The following FRMPD3 variants were observed in gnomAD, a reference collection of about 807,000 sequenced individuals.
FRMPD3 encodes FERM and PDZ domain containing 3.
Under a neutral mutation model 97.9 loss-of-function variants are expected in FRMPD3, and 42 were observed. That is an observed-to-expected ratio of 0.43 (90% confidence interval 0.34 to 0.55). The LOEUF (loss-of-function observed/expected upper bound fraction) is 0.55. FRMPD3 is among the 20% of genes least tolerant of loss of function. The pLI, the probability that FRMPD3 is intolerant of heterozygous loss-of-function variation, is 0.03. For synonymous variants in FRMPD3, 577 were observed against 581.1 expected (o/e 0.99, Z 0.10); for missense variants, 1,303 against 1,457.7 (o/e 0.89, Z 1.73).
intron 1 of FRMPD3, among the ~76,000 whole-genome samples, chrX:107,482,915 G>C (rs1045953685): frequency 1.8e-5 from 2 of 111,568 alleles, no homozygotes; most frequent in East Asian, 5.6e-4. Flanking sequence ...GAACAGGGCA[G>C]TTCTCAAAAA....
At chrX:107,505,837 C>T (rs1922016967) in intron 1 of FRMPD3, among the ~76,000 whole-genome samples, 1 of 112,472 alleles carries the variant, frequency 8.9e-6, no homozygotes. Context: ...GCCTTCCACT[C>T]ATCCTTTAAA....
chrX:107,512,059 G>GCA (rs910131870), intron 1 of FRMPD3, among the ~76,000 whole-genome samples: 25 of 105,199 alleles, frequency 2.4e-4, no homozygotes, highest in Non-Finnish European at 3.0e-4. Context: ...ACACACACGC[G>GCA]CACACACACA....
chrX:107,562,139 G>T (rs190037675), intron 10 of FRMPD3, among the ~76,000 whole-genome samples: 102 of 112,618 alleles, frequency 9.1e-4, no homozygotes, highest in African/African-American at 3.2e-3. Flanking sequence ...CCCAGGCAGA[G>T]AGATCCATCT....
chrX:107,471,344 C>G (rs1333091024), intron 1 of FRMPD3, among the ~76,000 whole-genome samples: 1 of 4,608 alleles, frequency 2.2e-4, no homozygotes, highest in Non-Finnish European at 2.9e-4. Context: ...TTTCTTTGTT[C>G]TAAAAAAAAA....
intron 8 of FRMPD3, among the ~76,000 whole-genome samples, chrX:107,557,292 T>C (rs894633556): frequency 4.5e-5 from 5 of 111,882 alleles, no homozygotes; most frequent in African/African-American, 6.5e-5. Flanking sequence ...TCCATTTAGA[T>C]CTTTGCCTGC....
At chrX:107,491,481 T>C (rs1261410620) in intron 1 of FRMPD3, among the ~76,000 whole-genome samples, 1 of 112,365 alleles carries the variant, frequency 8.9e-6, no homozygotes, top group Admixed American at 9.4e-5. Flanking sequence ...CCCCATGACC[T>C]CACAGCTAGT....
At chrX:107,497,413 C>G (rs1280301971) in intron 1 of FRMPD3, among the ~76,000 whole-genome samples, 1 of 112,501 alleles carries the variant, frequency 8.9e-6, no homozygotes, top group Non-Finnish European at 1.9e-5. Flanking sequence ...CTGGGGCCCC[C>G]TCCCCATTTC....
intron 13 of FRMPD3, among the ~76,000 whole-genome samples, chrX:107,587,241 A>G (rs1923691820): frequency 9.0e-6 from 1 of 110,724 alleles, no homozygotes; most frequent in Admixed American, 9.7e-5. Context: ...GTTGTGTTAA[A>G]GTCTATTTTG....
chrX:107,568,813 C>T (rs1465191249), intron 12 of FRMPD3, among the ~76,000 whole-genome samples: 1 of 110,125 alleles, frequency 9.1e-6, no homozygotes, highest in African/African-American at 3.3e-5. Flanking sequence ...AGTTCCAGAA[C>T]TTAGGAAGGC....
At chrX:107,503,797 A>T (rs111867604) in intron 1 of FRMPD3, among the ~76,000 whole-genome samples, 6,027 of 111,745 alleles carry the variant, frequency 0.054, 404 homozygotes, top group African/African-American at 0.19. Flanking sequence ...TCCAGTGAAG[A>T]AGTTGCAAGC....
chrX:107,484,282 G>A (rs1420287897), intron 1 of FRMPD3, among the ~76,000 whole-genome samples: 1 of 112,536 alleles, frequency 8.9e-6, no homozygotes. Flanking sequence ...AGGGGCCTCC[G>A]GTCAGAACCA....
chrX:107,601,524 G>T lies in FRMPD3; in HGVS notation c.3485G>T (p.Ser1162Ile). Residue 1162 changes from serine (S) to isoleucine (I), a missense_variant, in exon 15 of 15, where the codon AGC (serine) becomes ATC (isoleucine). Physicochemically the swap from Ser to Ile is moderately radical, Grantham distance 142. Coordinates refer to ENST00000683843, the MANE Select transcript of FRMPD3 (RefSeq NM_001388459.1). Reference protein sequence around the residue: ...HSPSSQSRGQSPSCQPRGQSP... With the variant: ...HSPSSQSRGQIPSCQPRGQSP... Reference sequence around the variant, plus strand: ...CCCAGCAGCCAGTCTCGAGGTCAGAGCCCCAGCTGCCAACCTCGAGGCCAG... The same window carrying T: ...CCCAGCAGCCAGTCTCGAGGTCAGATCCCCAGCTGCCAACCTCGAGGCCAG... 8.5e-7 allele frequency: 1 copy of T among 1,176,276 alleles called. No individual in the cohort carries two copies. Among genetic ancestry groups the T allele is most frequent in the Non-Finnish European group, 1.1e-6 (1 of 878,639 alleles).
chrX:107,514,296 G>T, intron 1 of FRMPD3, among the ~76,000 whole-genome samples: 1 of 111,440 alleles, frequency 9.0e-6, no homozygotes, highest in Non-Finnish European at 1.9e-5. Flanking sequence ...CTTGCAGTAG[G>T]AAATGTCTGA....
At chrX:107,502,742 G>A (rs945175033) in intron 1 of FRMPD3, among the ~76,000 whole-genome samples, 2 of 112,868 alleles carry the variant, frequency 1.8e-5, no homozygotes, top group Admixed American at 1.9e-4. Flanking sequence ...ATGGAGAGGG[G>A]CATTGAACTA....
chrX:107,463,267 T>G (rs1467231144), intron 1 of FRMPD3, among the ~76,000 whole-genome samples: 1 of 112,683 alleles, frequency 8.9e-6, no homozygotes, highest in Admixed American at 9.4e-5. Context: ...ATACACATTT[T>G]TAACATTTCT....
intron 1 of FRMPD3, among the ~76,000 whole-genome samples, chrX:107,454,051 C>T (rs748085979): frequency 1.3e-4 from 14 of 111,845 alleles, no homozygotes; most frequent in African/African-American, 3.6e-4. Flanking sequence ...GCATGCATGC[C>T]GTAGCCAGTG....
chrX:107,525,681 T>G (rs1260292766), intron 1 of FRMPD3: 2 of 557,158 alleles, frequency 3.6e-6, no homozygotes, highest in Non-Finnish European at 6.5e-6. Flanking sequence ...GAAGTTGGCA[T>G]TATGGACAAT....
At chrX:107,503,657 G>C (rs966373048) in intron 1 of FRMPD3, among the ~76,000 whole-genome samples, 9 of 112,587 alleles carry the variant, frequency 8.0e-5, no homozygotes, top group African/African-American at 2.9e-4. Flanking sequence ...TTCACCATCA[G>C]TGATTCATTC....
intron 1 of FRMPD3, among the ~76,000 whole-genome samples, chrX:107,514,469 A>G (rs1028986151): frequency 9.1e-6 from 1 of 110,053 alleles, no homozygotes; most frequent in African/African-American, 3.3e-5. Flanking sequence ...GGTGACAGCC[A>G]TGGAGAGGGA....
Sources: gnomAD v4.1 joint callset for allele counts (sites outside exome capture counted in the v4.1 genomes callset) on GRCh38, gnomAD v4.1.1 for gene constraint, MANE v1.5 for transcripts, NCBI Gene and HGNC (gene_info 2026-07-23, HGNC 2026-07-21) for gene names.